NTM: variants seen among roughly 807,000 people sequenced by gnomAD.
The protein encoded by NTM is IgLON family member 2.
NTM carries 13 observed loss-of-function variants against 42.1 expected under a neutral mutation model. The ratio of observed to expected loss-of-function variants is 0.31; its 90% CI spans 0.20 to 0.49. The LOEUF (loss-of-function observed/expected upper bound fraction) is 0.49, where lower values mean the gene tolerates loss of function less well. Among genes scored for constraint, NTM ranks in the 20% least tolerant of loss-of-function variants. The pLI, the probability that NTM is intolerant of heterozygous loss-of-function variation, is 0.99. For synonymous variants in NTM, 187 were observed against 179.2 expected, an observed-to-expected ratio of 1.04 and a Z score of -0.35; for missense variants, 373 against 452.8, an observed-to-expected ratio of 0.82 and a Z score of 1.60.
intron 1 of NTM, among the ~76,000 whole-genome samples, chr11:131,507,729 TCC>T (rs2047674540): frequency 6.7e-6 from 1 of 148,606 alleles, no homozygotes; most frequent in Non-Finnish European, 1.5e-5. Context: ...CTCTTTTATT[TCC>T]TTGAGCAGTG....
rs375333286 is a variant in NTM at position 132,081,851 on chromosome 11, C to T, written c.168-64431C>T. On this transcript the variant is annotated intron_variant, in intron 2 of 8. Coordinates refer to ENST00000683400, the MANE Select transcript of NTM (RefSeq NM_001352005.2). ...GGTTGTGGCAGGAGGATCACTTGAGCCTAGGAGTTCAAATCTAGCCTGGGC... is the reference window on the plus strand; with the variant it reads ...GGTTGTGGCAGGAGGATCACTTGAGTCTAGGAGTTCAAATCTAGCCTGGGC... 1.2e-3 allele frequency among the ~76,000 whole-genome samples: 188 copies of T among 150,774 alleles called. 1 individual carries two copies. The highest frequency in any genetic ancestry group is 4.4e-3 in the African/African-American group (180 of 41,110).
At chr11:131,911,131 T>C (rs982589896) in intron 1 of NTM, 2 of 1,252,266 alleles carry the variant, frequency 1.6e-6, no homozygotes, top group Non-Finnish European at 2.0e-6. Context: ...GTGCCGTGTC[T>C]GAACTGCCGC....
intron 1 of NTM, among the ~76,000 whole-genome samples, chr11:131,558,204 G>A (rs1468735568): frequency 5.9e-5 from 9 of 152,118 alleles, no homozygotes; most frequent in East Asian, 3.9e-4. Flanking sequence ...GTTCTTCTGC[G>A]TGCTTCCTTG....
At chr11:131,856,229 C>A (rs542304074) in intron 1 of NTM, among the ~76,000 whole-genome samples, 1 of 152,248 alleles carries the variant, frequency 6.6e-6, no homozygotes, top group East Asian at 1.9e-4. Context: ...ACTGCTACTG[C>A]AGAAACTCCA....
intron 1 of NTM, among the ~76,000 whole-genome samples, chr11:131,654,729 G>A (rs989179647): frequency 8.6e-5 from 13 of 151,938 alleles, no homozygotes; most frequent in Admixed American, 2.6e-4. Context: ...CACCTCCCAC[G>A]CTTGCTCTTG....
intron 1 of NTM, among the ~76,000 whole-genome samples, chr11:131,865,895 C>T (rs1592367765): frequency 8.9e-6 from 1 of 112,176 alleles, no homozygotes; most frequent in South Asian, 2.6e-4. Flanking sequence ...CTCCCACATT[C>T]ACACATGCTA....
chr11:131,910,834 T>C (rs2054744450), intron 1 of NTM: 8 of 984,370 alleles, frequency 8.1e-6, no homozygotes, highest in African/African-American at 1.8e-5. Context: ...GCAGCGCGCA[T>C]TTGGGCTCCG....
At chr11:131,711,270 A>G (rs944263987) in intron 1 of NTM, among the ~76,000 whole-genome samples, 4 of 152,224 alleles carry the variant, frequency 2.6e-5, no homozygotes, top group Non-Finnish European at 5.9e-5. Context: ...CAATGAACCC[A>G]AACAAATTTA....
intron 2 of NTM, among the ~76,000 whole-genome samples, chr11:132,023,732 G>T (rs1477798894): frequency 6.6e-6 from 1 of 151,286 alleles, no homozygotes; most frequent in Non-Finnish European, 1.5e-5. Flanking sequence ...TGTTGTTGTT[G>T]GTTTTGTTGT....
intron 1 of NTM, among the ~76,000 whole-genome samples, chr11:131,723,694 AT>A (rs1353912190): frequency 6.6e-6 from 1 of 152,186 alleles, no homozygotes; most frequent in African/African-American, 2.4e-5. Flanking sequence ...ACTAAACTTG[AT>A]GGGAAATATA....
chr11:131,898,970 A>C (rs779127419), intron 1 of NTM, among the ~76,000 whole-genome samples: 2 of 152,170 alleles, frequency 1.3e-5, no homozygotes, highest in Non-Finnish European at 2.9e-5. Context: ...AAAATGAAAA[A>C]TTCTATGGAA....
At chr11:131,831,966 AAT>A (rs922811854) in intron 1 of NTM, among the ~76,000 whole-genome samples, 3 of 147,842 alleles carry the variant, frequency 2.0e-5, no homozygotes, top group African/African-American at 7.4e-5. Context: ...AATTAAATAT[AAT>A]ATATATATGA....
chr11:132,245,051 C>A (rs1024245961), intron 4 of NTM, among the ~76,000 whole-genome samples: 2 of 152,122 alleles, frequency 1.3e-5, no homozygotes, highest in Non-Finnish European at 2.9e-5. Context: ...TCCAATTCGC[C>A]GTGAAATGTT....
chr11:131,559,458 A>G (rs1164517852), intron 1 of NTM, among the ~76,000 whole-genome samples: 1 of 152,164 alleles, frequency 6.6e-6, no homozygotes, highest in Non-Finnish European at 1.5e-5. Flanking sequence ...CTTCATATCC[A>G]TCAGGAAAAG....
intron 1 of NTM, among the ~76,000 whole-genome samples, chr11:131,763,358 C>A (rs1367961018): frequency 6.6e-6 from 1 of 152,136 alleles, no homozygotes; most frequent in Non-Finnish European, 1.5e-5. Flanking sequence ...ATATTCTCTA[C>A]CCTGGCAAGA....
intron 1 of NTM, among the ~76,000 whole-genome samples, chr11:131,826,777 T>G (rs2042186198): frequency 6.6e-6 from 1 of 152,094 alleles, no homozygotes; most frequent in Admixed American, 6.6e-5. Context: ...AGATGTATAC[T>G]GGTCCCAAAC....
chr11:131,546,218 C>T (rs779393539), intron 1 of NTM, among the ~76,000 whole-genome samples: 2 of 152,106 alleles, frequency 1.3e-5, no homozygotes, highest in African/African-American at 2.4e-5. Flanking sequence ...CCTATCCCTT[C>T]GCTTTAAAAT....
At chr11:131,731,702 C>A (rs138199779) in intron 1 of NTM, among the ~76,000 whole-genome samples, 1 of 152,142 alleles carries the variant, frequency 6.6e-6, no homozygotes, top group Non-Finnish European at 1.5e-5. Context: ...TGCAAAGCTT[C>A]CTCACAGAAG....
Position 131,381,660 on chromosome 11 carries a change from C to T in NTM, c.82+10772C>T, listed in dbSNP as rs1271882019. Among the ~76,000 whole-genome samples, 4 of 152,196 alleles carry T rather than the reference C, an allele frequency of 2.6e-5. No individual in the cohort carries two copies. The East Asian group carries it at 7.7e-4, about 29-fold the overall frequency. On this transcript the variant is annotated intron_variant, in intron 1 of 8. Transcript: ENST00000683400. ...AGTTGTGAGATACCGTGGCATTTCACTTGCCCTGTCTCCTCCCCAAGGCAA... is the reference window on the plus strand; with the variant it reads ...AGTTGTGAGATACCGTGGCATTTCATTTGCCCTGTCTCCTCCCCAAGGCAA...
Sources: gnomAD v4.1 joint callset for allele counts (sites outside exome capture counted in the v4.1 genomes callset) on GRCh38, gnomAD v4.1.1 for gene constraint, MANE v1.5 for transcripts, NCBI Gene and HGNC (gene_info 2026-07-23, HGNC 2026-07-21) for gene names.